ADGB: variants seen among roughly 807,000 people sequenced by gnomAD.
ADGB encodes calpain-7-like protein.
ADGB carries 172 observed loss-of-function variants against 210.5 expected under a neutral mutation model. That is an observed-to-expected ratio of 0.82 (90% CI 0.72 to 0.93). The LOEUF (loss-of-function observed/expected upper bound fraction) is 0.93. Among genes scored for constraint, ADGB ranks in the 40% least tolerant of loss-of-function variants. The probability of loss-of-function intolerance (pLI) is 0.00; values close to 1 mark genes in which losing one functional copy is unlikely to be tolerated. For synonymous variants in ADGB, 658 were observed against 662.7 expected (o/e 0.99, Z 0.11); for missense variants, 2,025 against 1,964.8 (o/e 1.03, Z -0.58).
At chr6:146,789,655 A>G (rs1338302745) in intron 33 of ADGB, among the ~76,000 whole-genome samples, 1 of 152,240 alleles carries the variant, frequency 6.6e-6, no homozygotes, top group African/African-American at 2.4e-5. Flanking sequence ...CCCATTCAAT[A>G]GGTAATAGCT....
At chr6:146,790,359 C>T (rs1226568490) in intron 33 of ADGB, among the ~76,000 whole-genome samples, 1 of 152,164 alleles carries the variant, frequency 6.6e-6, no homozygotes, top group Non-Finnish European at 1.5e-5. Context: ...CTATGACCCC[C>T]CAGCCTCTGG....
Position 146,689,938 on chromosome 6 carries a change from A to G in ADGB, c.1312-1178A>G, listed in dbSNP as rs151335109. Among the ~76,000 whole-genome samples the G allele has an allele frequency of 2.4e-3, 373 of 152,312 alleles. 4 individuals carry two copies. The highest frequency in any genetic ancestry group is 8.5e-3 in the African/African-American group (354 of 41,590). Reference sequence around the variant, plus strand: ...AATTTTTTAGTTAAGTTGCTAAAATATACCAAAGGGATAAAAAGAAAATGA... The same window carrying G: ...AATTTTTTAGTTAAGTTGCTAAAATGTACCAAAGGGATAAAAAGAAAATGA... On this transcript the variant is annotated intron_variant, in intron 10 of 35. Transcript: ENST00000397944.
At chr6:146,720,690 G>A (rs1291788154) in intron 16 of ADGB, among the ~76,000 whole-genome samples, 1 of 152,110 alleles carries the variant, frequency 6.6e-6, no homozygotes. Context: ...GAAGGCTATG[G>A]GGAAGCAAAC....
At chr6:146,714,669 T>C (rs1170295230) in intron 13 of ADGB, among the ~76,000 whole-genome samples, 2 of 152,210 alleles carry the variant, frequency 1.3e-5, no homozygotes, top group Admixed American at 6.5e-5. Flanking sequence ...GTCGGTGTTT[T>C]AAGCCCATGT....
In ADGB at chr6:146,718,611, C is replaced by A. The variant is rs114130647; in HGVS notation, c.1992+1012C>A. On this transcript the variant is annotated intron_variant, in intron 16 of 35. Transcript: ENST00000397944. ...ATATTGAGCAGAATTTTAAGAAAAACTATGACACATATTCCGGGAAACTAA... is the reference window on the plus strand; with the variant it reads ...ATATTGAGCAGAATTTTAAGAAAAAATATGACACATATTCCGGGAAACTAA... Among the ~76,000 whole-genome samples, 506 of 152,302 alleles carry A rather than the reference C, an allele frequency of 3.3e-3. 1 individual carries two copies. The highest frequency in any genetic ancestry group is 0.012 in the African/African-American group (485 of 41,562).
intron 13 of ADGB, among the ~76,000 whole-genome samples, chr6:146,709,989 T>C (rs1263318807): frequency 6.6e-6 from 1 of 152,106 alleles, no homozygotes; most frequent in African/African-American, 2.4e-5. Context: ...TTCTTCCATA[T>C]GACTGCTAAG....
At position 146,666,933 on chromosome 6, in the gene ADGB, A is replaced by T. The variant is rs1339427827; in HGVS notation, c.839+31A>T. 9.0e-6 allele frequency: 13 copies of T among 1,437,028 alleles called. No individual in the cohort carries two copies. The Admixed American group carries it at 1.0e-4, about 12-fold the overall frequency. The allele number at this position is 1,437,028 out of a possible 1,614,324, so 89.0% of individuals were successfully genotyped here. On this transcript the variant is annotated intron_variant, in intron 7 of 35. Coordinates refer to ENST00000397944, the MANE Select transcript of ADGB (RefSeq NM_024694.4). ...TTTGACTATTAAATTGCTCATATCT[A>T]TTTTTTTTATCTTCCCAAGATTTCT...
chr6:146,813,074 G>A (rs370703905), intron 35 of ADGB, among the ~76,000 whole-genome samples: 8 of 152,090 alleles, frequency 5.3e-5, no homozygotes, highest in East Asian at 1.9e-4. Flanking sequence ...GACCTGTCTC[G>A]CAGAAAATCC....
At position 146,803,322 on chromosome 6, in the gene ADGB, C is replaced by A. The variant is rs1418897634; in HGVS notation, c.4818+1311C>A. 5.6e-6 allele frequency: 9 copies of A among 1,608,690 alleles called. No homozygotes were observed. The East Asian group carries it at 1.8e-4, about 32-fold the overall frequency. On this transcript the variant is annotated intron_variant, in intron 35 of 35. Transcript: ENST00000397944. ...TGATGGGCTTTCTGTCTGTGAAGAA[C>A]CAGAATCACTGGAGTTAACCAAATA...
At chr6:146,765,826 C>CA (rs578044893) in intron 28 of ADGB, among the ~76,000 whole-genome samples, 2 of 150,228 alleles carry the variant, frequency 1.3e-5, no homozygotes, top group Admixed American at 6.6e-5. Context: ...AATAAAAATT[C>CA]AAAAAAAGAA....
chr6:146,755,999 A>G (rs1777401757), intron 27 of ADGB, among the ~76,000 whole-genome samples: 1 of 152,090 alleles, frequency 6.6e-6, no homozygotes, highest in Non-Finnish European at 1.5e-5. Context: ...ATTCCAGAGC[A>G]ATACAGATTC....
chr6:146,690,794 A>T (rs1776294144), intron 10 of ADGB, among the ~76,000 whole-genome samples: 2 of 152,326 alleles, frequency 1.3e-5, no homozygotes, highest in South Asian at 4.1e-4. Flanking sequence ...TTAACCTGTA[A>T]AAATAATGGC....
chr6:146,691,475 T>TATAA (rs1279407599), intron 11 of ADGB, among the ~76,000 whole-genome samples, 185 bp downstream of exon 11: 1 of 46,814 alleles, frequency 2.1e-5, no homozygotes, highest in African/African-American at 2.5e-4. Context: ...TATATATATA[T>TATAA]AAATATATAT....
chr6:146,638,243 C>A (rs1469515607), intron 2 of ADGB, among the ~76,000 whole-genome samples: 1 of 151,946 alleles, frequency 6.6e-6, no homozygotes, highest in Non-Finnish European at 1.5e-5. Flanking sequence ...TTCCAGCATT[C>A]ATTTAATTTT....
chr6:146,741,299 T>C, intron 25 of ADGB, 28 bp downstream of exon 25: 2 of 1,547,704 alleles, frequency 1.3e-6, no homozygotes, highest in Admixed American at 2.0e-5. Flanking sequence ...TCTCCACATA[T>C]GATAGAATGG....
intron 14 of ADGB, among the ~76,000 whole-genome samples, chr6:146,716,259 G>T (rs1322545232): frequency 1.3e-5 from 2 of 151,938 alleles, no homozygotes; most frequent in South Asian, 2.1e-4. Flanking sequence ...TTTCAGTAAA[G>T]AATCTAGCTA....
At chr6:146,605,682 G>A (rs1360904960) in intron 1 of ADGB, among the ~76,000 whole-genome samples, 1 of 152,140 alleles carries the variant, frequency 6.6e-6, no homozygotes, top group Non-Finnish European at 1.5e-5. Flanking sequence ...CAGCACCCGG[G>A]ACAACACTTG....
At chr6:146,729,823 CTTG>C (rs1188870096) in intron 20 of ADGB, among the ~76,000 whole-genome samples, 1 of 152,148 alleles carries the variant, frequency 6.6e-6, no homozygotes, top group Non-Finnish European at 1.5e-5. Flanking sequence ...GGTTATCCAA[CTTG>C]TTGGCATATC....
At chr6:146,814,089 A>G (rs1778345059) in intron 35 of ADGB, among the ~76,000 whole-genome samples, 1 of 152,158 alleles carries the variant, frequency 6.6e-6, no homozygotes, top group South Asian at 2.1e-4. Context: ...GGTTTAGTCA[A>G]TCCAGTTTTA....
Sources: gnomAD v4.1 joint callset for allele counts (sites outside exome capture counted in the v4.1 genomes callset) on GRCh38, gnomAD v4.1.1 for gene constraint, MANE v1.5 for transcripts, NCBI Gene and HGNC (gene_info 2026-07-23, HGNC 2026-07-21) for gene names.